LGSN: variants seen among roughly 807,000 people sequenced by gnomAD.
LGSN encodes the protein lengsin, lens protein with glutamine synthetase domain, also known as lengsin.
LGSN carries 21 observed loss-of-function variants against 19.5 expected under a neutral mutation model. The ratio of observed to expected loss-of-function variants is 1.07; its 90% confidence interval spans 0.76 to 1.55. The LOEUF (loss-of-function observed/expected upper bound fraction) is 1.55, where lower values mean the gene tolerates loss of function less well. Ranked by LOEUF, LGSN falls within the 40% of genes most tolerant of loss-of-function variation. The probability of loss-of-function intolerance (pLI) is 0.00; values close to 1 mark genes in which losing one functional copy is unlikely to be tolerated. For missense variants in LGSN, 673 were observed against 608.5 expected (o/e 1.11, Z -1.12); for synonymous variants, 257 against 215.6 (o/e 1.19, Z -1.68).
At chr6:63,554,147 A>G in the LGSN span, among the ~76,000 whole-genome samples, 3 of 152,246 alleles carry the variant, frequency 2.0e-5, no homozygotes, top group Admixed American at 2.0e-4. Flanking sequence ...TCTCAGAGGC[A>G]ATAAAAAGAC....
intron 2 of LGSN, among the ~76,000 whole-genome samples, chr6:63,288,859 C>A (rs1366398572): frequency 1.3e-5 from 2 of 152,196 alleles, no homozygotes; most frequent in Non-Finnish European, 2.9e-5. Context: ...ACCCTACTGA[C>A]CTAAGTTAAC....
chr6:63,428,045 A>C, the LGSN span, among the ~76,000 whole-genome samples: 1 of 152,166 alleles, frequency 6.6e-6, no homozygotes, highest in African/African-American at 2.4e-5. Flanking sequence ...ACAAAAGTAA[A>C]TTGTCATTAA....
At chr6:63,457,680 C>T in the LGSN span, among the ~76,000 whole-genome samples, 2 of 152,052 alleles carry the variant, frequency 1.3e-5, no homozygotes, top group African/African-American at 4.8e-5. Context: ...GAGTCCAAGA[C>T]CAGCGTGGCC....
chr6:63,495,972 G>T, the LGSN span, among the ~76,000 whole-genome samples: 12 of 151,726 alleles, frequency 7.9e-5, no homozygotes. Context: ...TATCACTCAG[G>T]CTGGAGTGCA....
the LGSN span, among the ~76,000 whole-genome samples, chr6:63,390,126 T>C: frequency 1.5e-5 from 2 of 129,228 alleles, no homozygotes; most frequent in African/African-American, 2.9e-5. Context: ...TTCTTTTTTT[T>C]TTTTTTTTTT....
the LGSN span, among the ~76,000 whole-genome samples, chr6:63,377,980 G>T: frequency 6.8e-6 from 1 of 146,648 alleles, no homozygotes; most frequent in Non-Finnish European, 1.5e-5. Flanking sequence ...CAGCCTTATT[G>T]CTGATATGGA....
rs553432847 is a variant in LGSN at position 63,284,882 on chromosome 6, G to T, written c.330+705C>A. The stretch of plus-strand genomic sequence containing the variant: ...AATCTGATGTTAATGTGATAAAAGT[G>T]TAATATTTTTAAACAGTTAAACCTA... On this transcript the variant is annotated intron_variant, in intron 3 of 3. Coordinates refer to ENST00000370657, the MANE Select transcript of LGSN (RefSeq NM_016571.3). Among the ~76,000 whole-genome samples, 5 of 152,260 alleles carry T rather than the reference G, an allele frequency of 3.3e-5. No individual in the cohort carries two copies. In the South Asian group the frequency reaches 6.2e-4, roughly 19 times the overall value.
At chr6:63,375,360 C>A in the LGSN span, among the ~76,000 whole-genome samples, 20 of 151,408 alleles carry the variant, frequency 1.3e-4, no homozygotes, top group African/African-American at 4.1e-4. Context: ...TAGAAGAGTG[C>A]TTGACAACAA....
chr6:63,486,815 T>C, the LGSN span, among the ~76,000 whole-genome samples: 3 of 143,960 alleles, frequency 2.1e-5, no homozygotes, highest in African/African-American at 8.2e-5. Flanking sequence ...TTTTTGTATG[T>C]TTATTTTATT....
the LGSN span, among the ~76,000 whole-genome samples, chr6:63,369,579 C>T: frequency 1.3e-5 from 2 of 152,088 alleles, no homozygotes; most frequent in Non-Finnish European, 2.9e-5. Flanking sequence ...TCTCAAGCTC[C>T]CCGTGCAGGT....
At chr6:63,303,241 G>T (rs556519768) in intron 1 of LGSN, among the ~76,000 whole-genome samples, 23 of 152,086 alleles carry the variant, frequency 1.5e-4, no homozygotes, top group Non-Finnish European at 2.5e-4. Flanking sequence ...TTTACAGATG[G>T]CTTCTATTCA....
At chr6:63,354,043 A>C in the LGSN span, among the ~76,000 whole-genome samples, 1 of 152,148 alleles carries the variant, frequency 6.6e-6, no homozygotes, top group African/African-American at 2.4e-5. Context: ...TAAAACTACT[A>C]GGGAAAAAAC....
At chr6:63,546,897 C>T in the LGSN span, among the ~76,000 whole-genome samples, 7 of 152,084 alleles carry the variant, frequency 4.6e-5, no homozygotes, top group Non-Finnish European at 7.3e-5. Flanking sequence ...TTATGTATTT[C>T]GCAATGTGTA....
chr6:63,463,842 T>G, the LGSN span, among the ~76,000 whole-genome samples: 1 of 152,168 alleles, frequency 6.6e-6, no homozygotes, highest in Non-Finnish European at 1.5e-5. Context: ...ATTTAATACT[T>G]GAACAAACCT....
the LGSN span, chr6:63,441,347 C>A: frequency 2.1e-6 from 1 of 479,134 alleles, no homozygotes. Flanking sequence ...ACCTGGCTCT[C>A]CTCAACAACA....
chr6:63,372,993 T>G, the LGSN span, among the ~76,000 whole-genome samples: 1 of 152,250 alleles, frequency 6.6e-6, no homozygotes, highest in Non-Finnish European at 1.5e-5. Context: ...TCTCATGTTT[T>G]AATTTATTTC....
At chr6:63,335,573 A>G in the LGSN span, among the ~76,000 whole-genome samples, 2 of 152,250 alleles carry the variant, frequency 1.3e-5, no homozygotes, top group African/African-American at 4.8e-5. Context: ...ATCTCTAATC[A>G]TCAGGGAAAT....
At chr6:63,454,986 T>TTTCA in the LGSN span, among the ~76,000 whole-genome samples, 1 of 149,648 alleles carries the variant, frequency 6.7e-6, no homozygotes, top group South Asian at 2.1e-4. Flanking sequence ...AGAGACAGGG[T>TTTCA]TTCACCACGT....
the LGSN span, among the ~76,000 whole-genome samples, chr6:63,509,290 C>T: frequency 6.6e-6 from 1 of 151,990 alleles, no homozygotes; most frequent in Non-Finnish European, 1.5e-5. Context: ...GTCTCGAACT[C>T]CTGACCTCAG....
Sources: gnomAD v4.1 joint callset for allele counts (sites outside exome capture counted in the v4.1 genomes callset) on GRCh38, gnomAD v4.1.1 for gene constraint, MANE v1.5 for transcripts, NCBI Gene and HGNC (gene_info 2026-07-23, HGNC 2026-07-21) for gene names.